CLOCK: variants seen among roughly 807,000 people sequenced by gnomAD.
CLOCK encodes the protein circadian locomoter output cycles protein kaput.
CLOCK carries 43 observed loss-of-function variants against 118.4 expected under a neutral mutation model. The observed-to-expected ratio is 0.36, with a 90% CI of 0.28 to 0.47. The LOEUF (loss-of-function observed/expected upper bound fraction) is 0.47. CLOCK is among the 20% of genes least tolerant of loss of function. CLOCK has a pLI of 1.00. For missense variants in CLOCK, 846 were observed against 999.9 expected (o/e 0.85, Z 2.08); for synonymous variants, 326 against 339.2 (o/e 0.96, Z 0.43).
At chr4:55,466,233 A>C (rs1033087334) in intron 8 of CLOCK, among the ~76,000 whole-genome samples, 14 of 152,012 alleles carry the variant, frequency 9.2e-5, no homozygotes, top group African/African-American at 3.1e-4. Flanking sequence ...TGGTTTTGTA[A>C]GGGGCTTTTC....
intron 1 of CLOCK, among the ~76,000 whole-genome samples, chr4:55,518,704 A>C (rs1432641770): frequency 3.9e-5 from 6 of 152,200 alleles, no homozygotes; most frequent in Non-Finnish European, 1.5e-5. Context: ...GCAACAAGGC[A>C]CCAGAATGGG....
chr4:55,510,894 A>G (rs2110025590), intron 1 of CLOCK, among the ~76,000 whole-genome samples: 2 of 152,310 alleles, frequency 1.3e-5, no homozygotes, highest in South Asian at 4.1e-4. Flanking sequence ...GAAAGAAAGC[A>G]AAAGGTGAAG....
At chr4:55,458,149 C>G (rs1725043931) in intron 11 of CLOCK, among the ~76,000 whole-genome samples, 1 of 152,166 alleles carries the variant, frequency 6.6e-6, no homozygotes, top group Admixed American at 6.5e-5. Context: ...CAGCCTCGAC[C>G]TCCTGGGCTC....
chr4:55,490,617 CTA>C (rs1323502635), intron 2 of CLOCK, among the ~76,000 whole-genome samples: 1 of 152,076 alleles, frequency 6.6e-6, no homozygotes, highest in Non-Finnish European at 1.5e-5. Context: ...TAGTATTTGC[CTA>C]TAACCTATGT....
rs565581329 is a variant in CLOCK at position 55,516,841 on chromosome 4, C to T, written c.-289-6776G>A. ...TCTCCTTTCTTGGTATACTTTTTTG[C>T]TTTTTTGTTTTACTTTTTTTAGTAG... On this transcript the variant is annotated intron_variant, in intron 1 of 22. Transcript: ENST00000513440. Among the ~76,000 whole-genome samples, 8 of 151,968 alleles carry T rather than the reference C, an allele frequency of 5.3e-5. No homozygotes were observed. In the East Asian group the frequency reaches 9.7e-4, roughly 18 times the overall value.
In CLOCK at chr4:55,438,302, G is replaced by A. The variant is rs755885416; in HGVS notation, c.2341C>T (p.Pro781Ser). Reference sequence around the variant, plus strand: ...ATTACCTGTAAAAATTGTTGCGGTGGCTGGGTCAGCTGAGCCTGAGATGGT... The same window carrying A: ...ATTACCTGTAAAAATTGTTGCGGTGACTGGGTCAGCTGAGCCTGAGATGGT... ...QQPSQAQLTQ[P>S]PQQFLQTSRL... Residue 781 changes from proline to serine, a missense_variant, in exon 22 of 23, where the codon CCA (proline) becomes TCA (serine). By Grantham distance (74) the Pro-to-Ser change is moderately conservative. Around this residue, in one of 4 missense-constraint regions of CLOCK, gnomAD observed 520 missense variants for 558.0 expected, o/e 0.93. Coordinates refer to ENST00000513440, the MANE Select transcript of CLOCK (RefSeq NM_004898.4). 9 of 1,613,984 alleles carry A rather than the reference G, an allele frequency of 5.6e-6. No individual in the cohort carries two copies. The African/African-American group carries it at 1.2e-4, about 22-fold the overall frequency.
chr4:55,538,228 C>T (rs4864547), intron 1 of CLOCK, among the ~76,000 whole-genome samples: 51,419 of 151,960 alleles, frequency 0.34, 9,392 homozygotes, highest in East Asian at 0.58. Flanking sequence ...TAAGTTCCTT[C>T]GAAAACTTAT....
In CLOCK at chr4:55,470,745, C is replaced by G; in HGVS notation, c.410G>C (p.Ser137Thr). 1 of 1,610,288 alleles carries G rather than the reference C, an allele frequency of 6.2e-7. No homozygotes were observed. The highest frequency in any genetic ancestry group is 8.5e-7 in the Non-Finnish European group (1 of 1,177,262). Residue 137 changes from serine (S) to threonine (T), a missense_variant, in exon 8 of 23, where the codon AGT becomes ACT. Transcript: ENST00000513440. Reference protein sequence around the residue: ...TDGSIIYVSESVTSLLEHLPS... With the variant: ...TDGSIIYVSETVTSLLEHLPS... The stretch of plus-strand genomic sequence containing the variant: ...TAAATGTTCAAGTAATGAAGTTACA[C>G]TCTCAGACACATATATTATGCTTCC...
chr4:55,447,007 T>C (rs983605662), intron 18 of CLOCK, among the ~76,000 whole-genome samples: 2 of 152,168 alleles, frequency 1.3e-5, no homozygotes, highest in African/African-American at 4.8e-5. Context: ...TGAGAAAATA[T>C]TAAAAATTTA....
At chr4:55,524,523 G>C (rs765921443) in intron 1 of CLOCK, among the ~76,000 whole-genome samples, 9 of 152,174 alleles carry the variant, frequency 5.9e-5, no homozygotes, top group Non-Finnish European at 7.4e-5. Context: ...TTCATGCATT[G>C]ATTTCTGAGT....
At chr4:55,483,762 T>C (rs185391441) in intron 3 of CLOCK, among the ~76,000 whole-genome samples, 57 of 152,274 alleles carry the variant, frequency 3.7e-4, no homozygotes, top group Admixed American at 7.2e-4. Flanking sequence ...ACCATAAAGT[T>C]TGAGAATACA....
At chr4:55,455,154 G>GT (rs1481775890) in intron 13 of CLOCK, among the ~76,000 whole-genome samples, 2 of 152,094 alleles carry the variant, frequency 1.3e-5, no homozygotes, top group African/African-American at 4.8e-5. Flanking sequence ...ACTCAAGATG[G>GT]TAAGCATCTG....
At chr4:55,463,459 T>C (rs1725514686) in intron 9 of CLOCK, among the ~76,000 whole-genome samples, 1 of 152,084 alleles carries the variant, frequency 6.6e-6, no homozygotes, top group Admixed American at 6.6e-5. Flanking sequence ...GAGTCCAGGA[T>C]TTATTATAAC....
At chr4:55,521,847 C>A (rs1048915595) in intron 1 of CLOCK, among the ~76,000 whole-genome samples, 1 of 152,098 alleles carries the variant, frequency 6.6e-6, no homozygotes, top group Admixed American at 6.5e-5. Flanking sequence ...ACAAACTGAT[C>A]TTAGTATTTA....
intron 6 of CLOCK, 56 bp from the exon 7 acceptor site, chr4:55,476,110 GCCCT>G: frequency 8.9e-7 from 1 of 1,117,862 alleles, no homozygotes; most frequent in South Asian, 1.2e-5. Context: ...GAGTACAAAA[GCCCT>G]ACAAGTTATC....
intron 1 of CLOCK, among the ~76,000 whole-genome samples, chr4:55,531,603 G>A (rs1730546503): frequency 6.7e-6 from 1 of 148,498 alleles, no homozygotes; most frequent in African/African-American, 2.5e-5. Context: ...TACTCTGGAA[G>A]CTGAGGCAGG....
rs539390723 is a variant in CLOCK, at chr4:55,453,603, C to T, written c.1130+74G>A. 3.2e-4 allele frequency: 412 copies of T among 1,279,602 alleles called. 1 individual carries two copies. The highest frequency in any genetic ancestry group is 1.7e-3 in the Middle Eastern group (8 of 4,788). The allele number at this position is 1,279,602 out of a possible 1,614,324, so 79.3% of individuals were successfully genotyped here. A position where few individuals can be genotyped will look rare whatever the true frequency, so the allele number is the denominator to read the frequency against. ...CACTTTGTAGCTCTTTAACAACTTA[C>T]GCATAAAAGTTACAATGCCAAAATC... On this transcript the variant is annotated intron_variant, in intron 14 of 22. Transcript: ENST00000513440.
intron 12 of CLOCK, 87 bp downstream of exon 12, chr4:55,456,131 T>G: frequency 7.5e-7 from 1 of 1,328,030 alleles, no homozygotes; most frequent in Non-Finnish European, 1.1e-6. Context: ...AGTCCTAATT[T>G]AAAAAAAAGT....
At chr4:55,467,548 A>G (rs931374587) in intron 8 of CLOCK, among the ~76,000 whole-genome samples, 4 of 152,228 alleles carry the variant, frequency 2.6e-5, no homozygotes, top group Admixed American at 1.3e-4. Context: ...CACATTGCAA[A>G]TGATGCTCTA....
Sources: allele counts gnomAD v4.1 joint callset (sites outside exome capture counted in the v4.1 genomes callset), GRCh38; gene constraint gnomAD v4.1.1; regional missense constraint gnomAD v4.1.1; transcripts MANE v1.5; gene names NCBI Gene and HGNC (gene_info 2026-07-23, HGNC 2026-07-21).